The following TENM2 variants were observed in gnomAD, a reference collection of about 807,000 sequenced individuals.
TENM2 encodes the protein teneurin transmembrane protein 2, also known as teneurin-2.
A neutral mutation model predicts 245.2 loss-of-function variants in TENM2; 52 were observed. That is an observed-to-expected ratio of 0.21 (90% CI 0.17 to 0.27). The LOEUF (loss-of-function observed/expected upper bound fraction) is 0.27. Ranked by LOEUF, TENM2 falls within the 10% of genes least tolerant of loss-of-function variation. The pLI is 1.00. For missense variants in TENM2, 3,046 were observed against 3,666.8 expected (o/e 0.83, Z 4.37); for synonymous variants, 1,363 against 1,438.9 (o/e 0.95, Z 1.19).
At chr5:168,018,467 C>A (rs1430750000) in intron 5 of TENM2, among the ~76,000 whole-genome samples, 2 of 149,420 alleles carry the variant, frequency 1.3e-5, no homozygotes, top group African/African-American at 5.0e-5. Flanking sequence ...GATTGCATTT[C>A]ACTCTCTTCT....
intron 2 of TENM2, among the ~76,000 whole-genome samples, chr5:167,738,064 C>G (rs1417323055): frequency 6.6e-6 from 1 of 152,214 alleles, no homozygotes; most frequent in African/African-American, 2.4e-5. Flanking sequence ...TGTGCTGATA[C>G]TTGTTTTATT....
At chr5:167,549,784 C>T (rs1772813638) in intron 2 of TENM2, among the ~76,000 whole-genome samples, 1 of 151,886 alleles carries the variant, frequency 6.6e-6, no homozygotes, top group Non-Finnish European at 1.5e-5. Context: ...AATACATTTC[C>T]TTCTGCTTTT....
At chr5:167,537,808 G>A (rs914106935) in intron 2 of TENM2, among the ~76,000 whole-genome samples, 2 of 152,190 alleles carry the variant, frequency 1.3e-5, no homozygotes, top group Non-Finnish European at 2.9e-5. Flanking sequence ...TGAAGATTTT[G>A]AATGAAATAG....
intron 2 of TENM2, among the ~76,000 whole-genome samples, chr5:167,529,370 C>A (rs1454599367): frequency 2.6e-5 from 4 of 152,134 alleles, no homozygotes; most frequent in Non-Finnish European, 5.9e-5. Context: ...GTGTGATCTC[C>A]TGGAGTTACA....
intron 1 of TENM2, 76 bp from the exon 4 acceptor site, chr5:167,375,122 T>G (rs966204936): frequency 3.0e-5 from 44 of 1,481,862 alleles, no homozygotes; most frequent in Non-Finnish European, 3.7e-5. Flanking sequence ...AGTGGCTGCT[T>G]TTTTGTAAGG....
intron 2 of TENM2, among the ~76,000 whole-genome samples, chr5:167,753,869 C>T (rs74884349): frequency 1.0e-3 from 154 of 152,252 alleles, no homozygotes; most frequent in Non-Finnish European, 1.7e-3. Flanking sequence ...GTACCTAATG[C>T]AGGCAGAGGT....
the TENM2 span, among the ~76,000 whole-genome samples, chr5:167,062,442 G>A: frequency 0.15 from 22,907 of 150,798 alleles, 2,483 homozygotes; most frequent in East Asian, 0.38. Flanking sequence ...ACATAAAAAA[G>A]AACTCAGGTT....
chr5:167,459,936 GCA>G (rs1221859918), intron 2 of TENM2, among the ~76,000 whole-genome samples: 6 of 99,158 alleles, frequency 6.1e-5, no homozygotes, highest in Admixed American at 1.1e-4. Context: ...ACACACACAC[GCA>G]CACACACACA....
At chr5:167,612,228 T>G (rs1777521982) in intron 2 of TENM2, among the ~76,000 whole-genome samples, 2 of 152,128 alleles carry the variant, frequency 1.3e-5, no homozygotes, top group South Asian at 2.1e-4. Flanking sequence ...AGCTGATCCT[T>G]GCCATCCATT....
chr5:167,458,494 C>CAAAAAAAAAAAAAAAAAAAA (rs70976430), intron 2 of TENM2, among the ~76,000 whole-genome samples: 1 of 82,012 alleles, frequency 1.2e-5, no homozygotes, highest in Non-Finnish European at 2.3e-5. Context: ...CTCAAAAAAA[C>CAAAAAAAAAAAAAAAAAAAA]AAAAAAAAAA....
At chr5:167,042,087 T>C in the TENM2 span, among the ~76,000 whole-genome samples, 9 of 152,336 alleles carry the variant, frequency 5.9e-5, no homozygotes, top group East Asian at 1.7e-3. Flanking sequence ...TTATTACCCG[T>C]TAATTTCCTT....
intron 2 of TENM2, among the ~76,000 whole-genome samples, chr5:167,737,700 T>C (rs1760898066): frequency 6.6e-6 from 1 of 152,124 alleles, no homozygotes; most frequent in Admixed American, 6.5e-5. Flanking sequence ...CTACAGGAAT[T>C]CAGGGATGTT....
chr5:167,306,605 A>G (rs1426457946), intron 1 of TENM2: 1 of 152,154 alleles, frequency 6.6e-6, no homozygotes, highest in Non-Finnish European at 1.5e-5. Flanking sequence ...AGATGCGGGG[A>G]TGCCAGCTAA....
chr5:167,584,698 CTTT>C (rs35436525), intron 2 of TENM2, among the ~76,000 whole-genome samples: 2 of 143,190 alleles, frequency 1.4e-5, no homozygotes, highest in African/African-American at 2.6e-5. Flanking sequence ...CTTTACTTTT[CTTT>C]TTTTTTTTTT....
upstream of TENM2, among the ~76,000 whole-genome samples, chr5:167,283,981 A>G (rs12658750): frequency 0.089 from 13,457 of 151,180 alleles, 776 homozygotes; most frequent in East Asian, 0.18. Flanking sequence ...TTTCGGTTCT[A>G]TAGTGGGTAT....
At chr5:167,243,905 G>A in the TENM2 span, among the ~76,000 whole-genome samples, 2 of 152,010 alleles carry the variant, frequency 1.3e-5, no homozygotes, top group East Asian at 3.9e-4. Context: ...GGCCTTCAAG[G>A]CTTTCTGTTA....
At chr5:167,998,717 T>C (rs1562032597) in intron 5 of TENM2, among the ~76,000 whole-genome samples, 1 of 152,216 alleles carries the variant, frequency 6.6e-6, no homozygotes, top group Non-Finnish European at 1.5e-5. Context: ...CTTGTCTTTT[T>C]TCACTACAGT....
intron 2 of TENM2, among the ~76,000 whole-genome samples, chr5:167,841,573 C>T (rs1487433660): frequency 6.6e-6 from 1 of 152,178 alleles, no homozygotes; most frequent in East Asian, 1.9e-4. Flanking sequence ...CACATCGTGC[C>T]TCTTTACCTC....
rs11345222 is a variant in TENM2 at position 167,868,736 on chromosome 5, TAAAAAAAAA to T, written c.503-7236_503-7228del. Reference sequence around the variant, plus strand: ...GAGTGACAGATAGTGAGATTCTGTCTAAAAAAAAAAAAAAAAAAAAAATCAGATGCTTTA... The same window carrying T: ...GAGTGACAGATAGTGAGATTCTGTCTAAAAAAAAAAAAATCAGATGCTTTA... On this transcript the variant is annotated intron_variant, in intron 2 of 28. Transcript: ENST00000518659. Among the ~76,000 whole-genome samples, 4 of 123,470 alleles carry T rather than the reference TAAAAAAAAA, an allele frequency of 3.2e-5. No individual in the cohort carries two copies. The South Asian group carries it at 8.7e-4, about 27-fold the overall frequency. The allele number at this position is 123,470 out of a possible 152,430, so 81.0% of individuals were successfully genotyped here.
Sources: allele counts gnomAD v4.1 joint callset (sites outside exome capture counted in the v4.1 genomes callset), GRCh38; gene constraint gnomAD v4.1.1; transcripts MANE v1.5; gene names NCBI Gene and HGNC (gene_info 2026-07-23, HGNC 2026-07-21).